Variants in FGF14 observed in about 807,000 individuals in gnomAD.
FGF14 encodes fibroblast growth factor 14.
Under a neutral mutation model 25.5 loss-of-function variants are expected in FGF14, and 5 were observed. That is an observed-to-expected ratio of 0.20 (90% confidence interval 0.10 to 0.41). The LOEUF (loss-of-function observed/expected upper bound fraction) is 0.41, where lower values mean the gene tolerates loss of function less well. FGF14 is among the 10% of genes least tolerant of loss of function. FGF14 has a pLI of 1.00. For missense variants in FGF14, 222 were observed against 320.1 expected (o/e 0.69, Z 2.34); for synonymous variants, 138 against 118.3 (o/e 1.17, Z -1.08).
intron 1 of FGF14, among the ~76,000 whole-genome samples, chr13:102,023,311 T>C (rs1390704059): frequency 6.6e-6 from 1 of 152,024 alleles, no homozygotes; most frequent in African/African-American, 2.4e-5. Flanking sequence ...TACTCCACTG[T>C]GCTACCAACT....
At chr13:102,256,274 C>T (rs896325245) in intron 1 of FGF14, among the ~76,000 whole-genome samples, 4 of 151,686 alleles carry the variant, frequency 2.6e-5, no homozygotes, top group African/African-American at 7.3e-5. Context: ...TTTGGAAGAC[C>T]GAGAGCTTAG....
Position 101,999,365 on chromosome 13 carries a change from C to G in FGF14, c.209-124069G>C, listed in dbSNP as rs1430362836. Among the ~76,000 whole-genome samples, 4 of 152,100 alleles carry G rather than the reference C, an allele frequency of 2.6e-5. No homozygotes were observed. In the South Asian group the frequency reaches 8.3e-4, roughly 32 times the overall value. ...AGGGCCATGGTGTGGTAGTCTGGGT[C>G]GCCCACAGCATCAGCTGTTTCTGCT... On this transcript the variant is annotated intron_variant, in intron 1 of 4. Transcript: ENST00000376131.
intron 1 of FGF14, among the ~76,000 whole-genome samples, chr13:101,881,515 A>G (rs1048634206): frequency 2.0e-5 from 3 of 152,214 alleles, no homozygotes; most frequent in Non-Finnish European, 2.9e-5. Flanking sequence ...ATTAAATCCT[A>G]AATATCAATT....
chr13:102,193,968 TAA>T (rs1266292001), intron 1 of FGF14, among the ~76,000 whole-genome samples: 2 of 152,174 alleles, frequency 1.3e-5, no homozygotes, highest in African/African-American at 4.8e-5. Context: ...AAATTTGAAA[TAA>T]CTTTAAATTA....
intron 1 of FGF14, among the ~76,000 whole-genome samples, chr13:102,153,180 G>C (rs1343599814): frequency 6.6e-6 from 1 of 152,210 alleles, no homozygotes; most frequent in African/African-American, 2.4e-5. Flanking sequence ...GGCTGGAGGA[G>C]AAAGAACATC....
At chr13:102,234,721 T>C (rs951268110) in intron 1 of FGF14, among the ~76,000 whole-genome samples, 2 of 152,194 alleles carry the variant, frequency 1.3e-5, no homozygotes, top group Admixed American at 6.5e-5. Flanking sequence ...TATATACATA[T>C]ATATGTCAGA....
At chr13:102,230,262 T>C (rs913917513) in intron 1 of FGF14, among the ~76,000 whole-genome samples, 1 of 152,176 alleles carries the variant, frequency 6.6e-6, no homozygotes, top group Non-Finnish European at 1.5e-5. Flanking sequence ...TCTCTAGAAC[T>C]GTGAGAATTA....
intron 1 of FGF14, among the ~76,000 whole-genome samples, chr13:102,308,830 G>A (rs916586960): frequency 6.7e-6 from 1 of 149,938 alleles, no homozygotes; most frequent in South Asian, 2.1e-4. Flanking sequence ...GTGGGACCTG[G>A]TACCTGGGGT....
intron 1 of FGF14, among the ~76,000 whole-genome samples, chr13:101,995,794 C>T (rs1403964477): frequency 2.6e-5 from 4 of 152,026 alleles, no homozygotes; most frequent in Admixed American, 2.6e-4. Context: ...TTGAAAACTG[C>T]ATCTAAACAT....
chr13:101,947,545 T>C (rs908926797), intron 1 of FGF14, among the ~76,000 whole-genome samples: 1 of 152,224 alleles, frequency 6.6e-6, no homozygotes, highest in African/African-American at 2.4e-5. Context: ...GCAACATGGA[T>C]GCAGCTAGAG....
chr13:102,254,588 G>A (rs1004127446), intron 1 of FGF14, among the ~76,000 whole-genome samples: 2 of 152,312 alleles, frequency 1.3e-5, no homozygotes, highest in Non-Finnish European at 2.9e-5. Context: ...GACCTACCAC[G>A]TGGTCCTCGT....
chr13:101,780,651 T>C (rs1373592312), intron 3 of FGF14, among the ~76,000 whole-genome samples: 1 of 152,034 alleles, frequency 6.6e-6, no homozygotes, highest in Admixed American at 6.6e-5. Flanking sequence ...GCACTTGACA[T>C]GTCTTTATTA....
At chr13:102,023,577 A>G (rs2040779272) in intron 1 of FGF14, among the ~76,000 whole-genome samples, 1 of 152,012 alleles carries the variant, frequency 6.6e-6, no homozygotes. Context: ...GAAACTACAC[A>G]CTCATTATCA....
At chr13:102,074,367 C>T (rs904745016) in intron 1 of FGF14, among the ~76,000 whole-genome samples, 20 of 152,146 alleles carry the variant, frequency 1.3e-4, no homozygotes, top group Non-Finnish European at 2.8e-4. Context: ...GGAAAAATAT[C>T]GTATTCTTTC....
chr13:102,345,133 T>C (rs975027402), intron 1 of FGF14, among the ~76,000 whole-genome samples: 2 of 152,136 alleles, frequency 1.3e-5, no homozygotes, highest in Non-Finnish European at 2.9e-5. Flanking sequence ...GTTTTCTACA[T>C]CCCTCTTCCC....
chr13:102,278,067 C>T (rs74109598), intron 1 of FGF14, among the ~76,000 whole-genome samples: 3,785 of 152,188 alleles, frequency 0.025, 154 homozygotes, highest in African/African-American at 0.085. Flanking sequence ...AGGTGGGAGC[C>T]CACCTACTAT....
At chr13:102,188,663 G>A (rs2048967188) in intron 1 of FGF14, among the ~76,000 whole-genome samples, 1 of 152,190 alleles carries the variant, frequency 6.6e-6, no homozygotes, top group South Asian at 2.1e-4. Context: ...CAGAGGTCAG[G>A]TGCAGTGGCT....
intron 1 of FGF14, among the ~76,000 whole-genome samples, chr13:102,310,631 TTCTG>T (rs2055681746): frequency 7.0e-6 from 1 of 142,338 alleles, no homozygotes; most frequent in Middle Eastern, 3.7e-3. Flanking sequence ...CTTCTTTCCT[TTCTG>T]TCTCTCTCTT....
chr13:102,346,971 C>T (rs2057126074), intron 1 of FGF14, among the ~76,000 whole-genome samples: 1 of 152,052 alleles, frequency 6.6e-6, no homozygotes, highest in Non-Finnish European at 1.5e-5. Context: ...TGCACTGATG[C>T]CCAGAACACC....
Sources: allele counts gnomAD v4.1 joint callset (sites outside exome capture counted in the v4.1 genomes callset), GRCh38; gene constraint gnomAD v4.1.1; transcripts MANE v1.5; gene names NCBI Gene and HGNC (gene_info 2026-07-23, HGNC 2026-07-21).